Variants in GULP1 observed in about 807,000 individuals in gnomAD.
GULP1 encodes PTB domain-containing engulfment adapter protein 1.
A neutral mutation model predicts 40.9 loss-of-function variants in GULP1; 19 were observed. The observed-to-expected ratio is 0.46, with a 90% CI of 0.32 to 0.68. GULP1 has a LOEUF of 0.68. Among genes scored for constraint, GULP1 ranks in the 30% least tolerant of loss-of-function variants. The pLI, the probability that GULP1 is intolerant of heterozygous loss-of-function variation, is 0.03. For missense variants in GULP1, 312 were observed against 362.2 expected (o/e 0.86, Z 1.12); for synonymous variants, 119 against 117.6 (o/e 1.01, Z -0.08).
chr2:188,354,402 C>T (rs1290573434), intron 1 of GULP1, among the ~76,000 whole-genome samples: 2 of 152,188 alleles, frequency 1.3e-5, no homozygotes, highest in Admixed American at 1.3e-4. Flanking sequence ...AGAGTCTCAG[C>T]TACAACCAAA....
At chr2:188,580,837 C>T (rs956599367) in intron 9 of GULP1, among the ~76,000 whole-genome samples, 1 of 152,082 alleles carries the variant, frequency 6.6e-6, no homozygotes, top group Admixed American at 6.5e-5. Flanking sequence ...TATCAAAAAT[C>T]AGATTATTTT....
chr2:188,428,258 C>A (rs1453178311), intron 2 of GULP1, among the ~76,000 whole-genome samples: 1 of 152,080 alleles, frequency 6.6e-6, no homozygotes, highest in African/African-American at 2.4e-5. Flanking sequence ...TTTATCTTGT[C>A]TTAGATGAGA....
chr2:188,398,694 A>G (rs1340678609), intron 2 of GULP1, among the ~76,000 whole-genome samples: 1 of 152,204 alleles, frequency 6.6e-6, no homozygotes, highest in African/African-American at 2.4e-5. Context: ...CTAGTTATTC[A>G]TACTATGATG....
At chr2:188,529,237 T>C (rs778711432) in intron 6 of GULP1, 42 bp downstream of exon 6, 3 of 920,726 alleles carry the variant, frequency 3.3e-6, no homozygotes, top group South Asian at 2.9e-5. Context: ...CTTTAATTAA[T>C]TGCAATTATA....
intron 2 of GULP1, among the ~76,000 whole-genome samples, chr2:188,437,881 A>G (rs2057557224): frequency 6.6e-6 from 1 of 152,116 alleles, no homozygotes; most frequent in African/African-American, 2.4e-5. Context: ...ATGAGAACTC[A>G]TGACACGAAG....
chr2:188,394,346 C>G (rs1300551398), intron 2 of GULP1, among the ~76,000 whole-genome samples: 4 of 151,986 alleles, frequency 2.6e-5, no homozygotes, highest in African/African-American at 9.7e-5. Flanking sequence ...TTTTGTACTT[C>G]CCTAAATGTG....
rs191162330 is a variant in GULP1 at position 188,493,402 on chromosome 2, G to A, written c.90+9910G>A. Among the ~76,000 whole-genome samples, 624 of 152,070 alleles carry A rather than the reference G, an allele frequency of 4.1e-3. 17 individuals carry two copies. Among genetic ancestry groups the A allele is most frequent in the Admixed American group, 0.038 (573 of 15,236 alleles). On this transcript the variant is annotated intron_variant, in intron 4 of 11. Transcript: ENST00000409830. ...ATCCTTACATTTTAGTTATATAATT[G>A]ATATGTTTTAATGCTGATTGTCCTG...
intron 10 of GULP1, among the ~76,000 whole-genome samples, chr2:188,585,445 C>T (rs981301541): frequency 2.0e-5 from 3 of 152,198 alleles, no homozygotes; most frequent in African/African-American, 7.2e-5. Flanking sequence ...GGGCTCTGCT[C>T]CTGCCACAGA....
At chr2:188,376,267 T>G (rs1346460330) in intron 1 of GULP1, among the ~76,000 whole-genome samples, 1 of 152,244 alleles carries the variant, frequency 6.6e-6, no homozygotes, top group African/African-American at 2.4e-5. Context: ...AATCATTAAT[T>G]AAATACACTT....
chr2:188,419,244 A>C (rs2055025101), intron 2 of GULP1, among the ~76,000 whole-genome samples: 1 of 152,040 alleles, frequency 6.6e-6, no homozygotes, highest in African/African-American at 2.4e-5. Context: ...AACATATAAT[A>C]GTTTTTTTTT....
intron 1 of GULP1, among the ~76,000 whole-genome samples, chr2:188,372,720 C>A (rs2047760887): frequency 6.6e-6 from 1 of 151,710 alleles, no homozygotes; most frequent in Non-Finnish European, 1.5e-5. Context: ...ATATTTCTGC[C>A]CCTTTTATTC....
intron 1 of GULP1, among the ~76,000 whole-genome samples, chr2:188,353,193 A>G (rs954078056): frequency 2.6e-5 from 4 of 152,186 alleles, no homozygotes; most frequent in African/African-American, 9.7e-5. Context: ...GGTAGGGATA[A>G]GGAAAACAAA....
At chr2:188,580,380 C>T (rs1559401834) in intron 9 of GULP1, among the ~76,000 whole-genome samples, 2 of 151,786 alleles carry the variant, frequency 1.3e-5, no homozygotes, top group Non-Finnish European at 2.9e-5. Flanking sequence ...GGTGAAACCC[C>T]GTCTCTACTA....
intron 2 of GULP1, among the ~76,000 whole-genome samples, chr2:188,454,779 A>G (rs1206405435): frequency 1.3e-5 from 2 of 152,248 alleles, no homozygotes; most frequent in African/African-American, 4.8e-5. Flanking sequence ...GCATAGGGAC[A>G]CTAAAGTGTA....
At chr2:188,374,696 T>C (rs1343194246) in intron 1 of GULP1, among the ~76,000 whole-genome samples, 1 of 151,902 alleles carries the variant, frequency 6.6e-6, no homozygotes, top group Non-Finnish European at 1.5e-5. Flanking sequence ...GGTACTGCCA[T>C]TGACCAGTCC....
chr2:188,498,964 C>T (rs2063159323), intron 4 of GULP1, among the ~76,000 whole-genome samples: 1 of 151,100 alleles, frequency 6.6e-6, no homozygotes, highest in South Asian at 2.1e-4. Context: ...TTGTTTATAC[C>T]ATGTGGAGTC....
intron 3 of GULP1, among the ~76,000 whole-genome samples, chr2:188,481,609 C>A (rs2153053768): frequency 6.6e-6 from 1 of 151,942 alleles, no homozygotes. Context: ...GTAACAGAGG[C>A]ATTTTCATCA....
At chr2:188,464,138 T>C (rs2059930638) in intron 2 of GULP1, among the ~76,000 whole-genome samples, 1 of 152,148 alleles carries the variant, frequency 6.6e-6, no homozygotes, top group Non-Finnish European at 1.5e-5. Context: ...TCTGAGCTTG[T>C]TTGTATGCAT....
At chr2:188,520,605 A>G (rs977377441) in intron 4 of GULP1, among the ~76,000 whole-genome samples, 2 of 151,938 alleles carry the variant, frequency 1.3e-5, no homozygotes, top group East Asian at 1.9e-4. Flanking sequence ...CCTCAGTGCA[A>G]CTGAGCTTTA....
Sources: allele counts gnomAD v4.1 joint callset (sites outside exome capture counted in the v4.1 genomes callset), GRCh38; gene constraint gnomAD v4.1.1; transcripts MANE v1.5; gene names NCBI Gene and HGNC (gene_info 2026-07-23, HGNC 2026-07-21).